The following C13orf42 variants were observed in gnomAD, a reference collection of about 807,000 sequenced individuals.
C13orf42 encodes uncharacterized protein C13orf42.
At chr13:51,136,473 A>C (rs961499400) in intron 1 of C13orf42, among the ~76,000 whole-genome samples, 1 of 152,208 alleles carries the variant, frequency 6.6e-6, no homozygotes, top group Non-Finnish European at 1.5e-5. Context: ...GTGGCAGAGA[A>C]GGATTTGGAC....
intron 1 of C13orf42, among the ~76,000 whole-genome samples, chr13:51,138,711 A>ACAAT (rs1239431826): frequency 6.6e-6 from 1 of 152,228 alleles, no homozygotes; most frequent in Admixed American, 6.5e-5. Context: ...GGACAACCAT[A>ACAAT]CAATCCAGCA....
At chr13:51,170,964 C>T (rs999713876) in intron 1 of C13orf42, among the ~76,000 whole-genome samples, 2 of 151,218 alleles carry the variant, frequency 1.3e-5, no homozygotes, top group Admixed American at 6.6e-5. Flanking sequence ...AACCTCTTAT[C>T]TCTGTGCCCC....
At chr13:51,127,363 A>G (rs935485362) in intron 1 of C13orf42, among the ~76,000 whole-genome samples, 1 of 152,210 alleles carries the variant, frequency 6.6e-6, no homozygotes, top group Non-Finnish European at 1.5e-5. Context: ...CCCATTTTTC[A>G]GAAGGGAAAT....
chr13:51,147,190 A>C (rs1953741982), intron 1 of C13orf42, among the ~76,000 whole-genome samples: 1 of 152,058 alleles, frequency 6.6e-6, no homozygotes, highest in East Asian at 1.9e-4. Flanking sequence ...TCTGCATAGC[A>C]TCTACACATT....
intron 1 of C13orf42, among the ~76,000 whole-genome samples, chr13:51,165,932 T>C (rs1306578467): frequency 1.3e-5 from 2 of 152,248 alleles, no homozygotes; most frequent in Non-Finnish European, 1.5e-5. Flanking sequence ...ACAGCCACCA[T>C]TAAACAAGTA....
chr13:51,102,091 T>C (rs1282633362), intron 1 of C13orf42, among the ~76,000 whole-genome samples: 1 of 152,204 alleles, frequency 6.6e-6, no homozygotes, highest in Non-Finnish European at 1.5e-5. Flanking sequence ...CCAAGCATAA[T>C]AGGAAATTTT....
At chr13:51,147,115 G>A (rs533162377) in intron 1 of C13orf42, among the ~76,000 whole-genome samples, 1 of 152,276 alleles carries the variant, frequency 6.6e-6, no homozygotes, top group South Asian at 2.1e-4. Flanking sequence ...CCCAGGTACT[G>A]ACCATGTGTC....
chr13:51,084,755 G>A lies in C13orf42; in HGVS notation c.804-430C>T, dbSNP rs563590782. 1.8e-4 allele frequency among the ~76,000 whole-genome samples: 28 copies of A among 152,328 alleles called. No individual in the cohort carries two copies. In the South Asian group the frequency reaches 3.7e-3, roughly 20 times the overall value. On this transcript the variant is annotated intron_variant, in intron 3 of 3. Coordinates refer to ENST00000563710, the MANE Select transcript of C13orf42 (RefSeq NM_001351589.3). ...CCAGAAAGAGCTTACTGCTCTGAGC[G>A]AGTGGATAACAGGAATTTGACGGTT...
At chr13:51,092,044 AG>A (rs1953185681) in intron 1 of C13orf42, among the ~76,000 whole-genome samples, 1 of 152,170 alleles carries the variant, frequency 6.6e-6, no homozygotes, top group Admixed American at 6.5e-5. Context: ...TCTCACCCAC[AG>A]GGGCGCACTT....
At chr13:51,149,135 C>A (rs755960832) in intron 1 of C13orf42, among the ~76,000 whole-genome samples, 3 of 152,080 alleles carry the variant, frequency 2.0e-5, no homozygotes, top group African/African-American at 7.2e-5. Flanking sequence ...AATTTCAGTC[C>A]GTCACTGCGG....
intron 1 of C13orf42, among the ~76,000 whole-genome samples, chr13:51,165,246 C>G (rs913661449): frequency 6.6e-6 from 1 of 152,180 alleles, no homozygotes; most frequent in African/African-American, 2.4e-5. Flanking sequence ...ATAGCTCCCA[C>G]CAGCCAGCTC....
chr13:51,167,530 T>C (rs1290644068), intron 1 of C13orf42, among the ~76,000 whole-genome samples: 1 of 152,138 alleles, frequency 6.6e-6, no homozygotes, highest in Non-Finnish European at 1.5e-5. Flanking sequence ...ACCTGGACCT[T>C]ACCTTCCAGC....
At chr13:51,109,390 G>A (rs17075329) in intron 1 of C13orf42, among the ~76,000 whole-genome samples, 13,514 of 152,140 alleles carry the variant, frequency 0.089, 890 homozygotes, top group South Asian at 0.26. Context: ...ATCTCATCTG[G>A]TCATCAGGAA....
chr13:51,149,774 T>C (rs966595423), intron 1 of C13orf42, among the ~76,000 whole-genome samples: 3 of 152,210 alleles, frequency 2.0e-5, no homozygotes, highest in Non-Finnish European at 4.4e-5. Flanking sequence ...ATATTTCTCT[T>C]CATCATCAAT....
At chr13:51,156,524 C>T (rs1328563760) in intron 1 of C13orf42, among the ~76,000 whole-genome samples, 1 of 152,212 alleles carries the variant, frequency 6.6e-6, no homozygotes, top group Non-Finnish European at 1.5e-5. Context: ...AATCTGTCTT[C>T]AGAGCCTATG....
At chr13:51,120,219 C>T (rs936261700) in intron 1 of C13orf42, among the ~76,000 whole-genome samples, 1 of 152,190 alleles carries the variant, frequency 6.6e-6, no homozygotes, top group Non-Finnish European at 1.5e-5. Flanking sequence ...TGTCATCTCA[C>T]TGAATCCTAT....
At chr13:51,152,929 G>A (rs540848046) in intron 1 of C13orf42, among the ~76,000 whole-genome samples, 6 of 152,016 alleles carry the variant, frequency 3.9e-5, no homozygotes, top group African/African-American at 1.5e-4. Context: ...CGTCATGTTC[G>A]CGGGCACCCT....
At chr13:51,162,789 C>T (rs971421011) in intron 1 of C13orf42, among the ~76,000 whole-genome samples, 1 of 152,192 alleles carries the variant, frequency 6.6e-6, no homozygotes, top group African/African-American at 2.4e-5. Flanking sequence ...CATACCTTCT[C>T]CTGAAGCACA....
chr13:51,086,375 G>T (rs1953126504), intron 2 of C13orf42, among the ~76,000 whole-genome samples: 1 of 148,386 alleles, frequency 6.7e-6, no homozygotes, highest in Non-Finnish European at 1.5e-5. Flanking sequence ...GGCTTGGAAA[G>T]TAGCCCAAGA....
Sources: allele counts gnomAD v4.1 joint callset (sites outside exome capture counted in the v4.1 genomes callset), GRCh38; gene constraint gnomAD v4.1.1; transcripts MANE v1.5; gene names NCBI Gene and HGNC (gene_info 2026-07-23, HGNC 2026-07-21).